Variants in SMURF2 observed in about 807,000 individuals in gnomAD.
SMURF2 encodes the protein E3 ubiquitin-protein ligase SMURF2.
SMURF2 carries 48 observed loss-of-function variants against 109.6 expected under a neutral mutation model. The observed-to-expected ratio is 0.44, with a 90% CI of 0.35 to 0.56. The LOEUF (loss-of-function observed/expected upper bound fraction) is 0.56. SMURF2 is among the 20% of genes least tolerant of loss of function. The pLI is 0.01. For synonymous variants in SMURF2, 288 were observed against 317.1 expected (o/e 0.91, Z 0.97); for missense variants, 575 against 909.0 (o/e 0.63, Z 4.72).
In SMURF2 at chr17:64,555,143, G is replaced by A. The variant is rs1266594672; in HGVS notation, c.1611-150C>T. 16 of 701,632 alleles carry A rather than the reference G, an allele frequency of 2.3e-5. No individual in the cohort carries two copies. The African/African-American group carries it at 2.7e-4, about 12-fold the overall frequency. 43.5% of individuals were successfully genotyped at this position (701,632 alleles called of 1,614,324 possible). A position where few individuals can be genotyped will look rare whatever the true frequency, so the allele number is the denominator to read the frequency against. On this transcript the variant is annotated intron_variant, in intron 14 of 18. Coordinates refer to ENST00000262435, the MANE Select transcript of SMURF2 (RefSeq NM_022739.4). ...CTTCCATACCACCTAGTTCTTTCTGGACAGAAAAGTCAAAGAGCTTTAACC... is the reference window on the plus strand; with the variant it reads ...CTTCCATACCACCTAGTTCTTTCTGAACAGAAAAGTCAAAGAGCTTTAACC...
At chr17:64,597,670 G>A (rs1402859605) in intron 3 of SMURF2, among the ~76,000 whole-genome samples, 13 of 151,866 alleles carry the variant, frequency 8.6e-5, no homozygotes, top group Non-Finnish European at 1.5e-4. Context: ...CTACTCGGGA[G>A]GCTGAGACAG....
intron 6 of SMURF2, among the ~76,000 whole-genome samples, chr17:64,584,991 A>C (rs1969633325): frequency 6.6e-6 from 1 of 152,224 alleles, no homozygotes; most frequent in South Asian, 2.1e-4. Flanking sequence ...TAGAAGCTAA[A>C]GTGACCTACG....
chr17:64,646,590 C>T (rs996103836), intron 1 of SMURF2, among the ~76,000 whole-genome samples: 93 of 151,754 alleles, frequency 6.1e-4, no homozygotes, highest in African/African-American at 2.2e-3. Flanking sequence ...ACCATGTTGC[C>T]CAGGCTGGTC....
At chr17:64,552,186 G>T (rs1016759788) in intron 15 of SMURF2, among the ~76,000 whole-genome samples, 22 of 152,266 alleles carry the variant, frequency 1.4e-4, no homozygotes, top group Admixed American at 5.2e-4. Context: ...AAAATGAGAA[G>T]AATAAATAGT....
At position 64,547,849 on chromosome 17, in the gene SMURF2, C is replaced by A; in HGVS notation, c.1870-48G>T. On this transcript the variant is annotated intron_variant, in intron 16 of 18. Transcript: ENST00000262435. The surrounding 1 kb of genome is among the most constrained non-coding windows in gnomAD (Gnocchi z 4.2). ...TGAACCTGTGGAAACCACAGCCAGA[C>A]CAAAAATTCCTCAAAAGAGAACTTT... is the stretch of plus-strand genomic sequence containing the variant. 6.4e-7 allele frequency: 1 copy of A among 1,554,844 alleles called. No individual in the cohort carries two copies. The highest frequency in any genetic ancestry group is 8.9e-7 in the Non-Finnish European group (1 of 1,128,328).
chr17:64,567,274 C>T (rs1273712855), intron 10 of SMURF2, among the ~76,000 whole-genome samples: 1 of 152,170 alleles, frequency 6.6e-6, no homozygotes, highest in East Asian at 1.9e-4. Context: ...ATGTATAAAA[C>T]TTCCAGATAA....
chr17:64,595,848 GA>G (rs1184068208), intron 3 of SMURF2, among the ~76,000 whole-genome samples: 2 of 151,954 alleles, frequency 1.3e-5, no homozygotes, highest in African/African-American at 2.4e-5. Flanking sequence ...TTTTTTAAAA[GA>G]AAATAACAGT....
chr17:64,661,892 CGG>C lies in SMURF2; in HGVS notation c.-14_-13del. ...CCGGGGTTAGACATGTCCCCGGCGG[CGG>C]GGGCGGCGGGGGCGGCGGGCGGCAC... is the stretch of plus-strand genomic sequence containing the variant. On this transcript the variant is annotated 5_prime_UTR_variant, in exon 1 of 19. Transcript: ENST00000262435. The C allele has an allele frequency of 1.8e-6, 2 of 1,120,634 alleles. No individual in the cohort carries two copies. Among genetic ancestry groups the C allele is most frequent in the Non-Finnish European group, 2.2e-6 (2 of 927,630 alleles). 69.4% of individuals were successfully genotyped at this position (1,120,634 alleles called of 1,614,324 possible). A position where few individuals can be genotyped will look rare whatever the true frequency, so the allele number is the denominator to read the frequency against.
At chr17:64,546,465 T>A (rs984061436) in intron 17 of SMURF2, 127 bp from the exon 18 acceptor site, 1 of 724,114 alleles carries the variant, frequency 1.4e-6, no homozygotes, top group Non-Finnish European at 2.2e-6. Flanking sequence ...AATCCACACA[T>A]ACTACCAAAG....
chr17:64,608,281 T>C (rs1033686394), intron 1 of SMURF2, among the ~76,000 whole-genome samples: 35 of 151,974 alleles, frequency 2.3e-4, no homozygotes, highest in African/African-American at 8.0e-4. Context: ...ATATAACTAA[T>C]CACTCTAAGG....
chr17:64,632,761 T>A (rs1970367880), intron 1 of SMURF2, among the ~76,000 whole-genome samples: 1 of 152,060 alleles, frequency 6.6e-6, no homozygotes, highest in East Asian at 1.9e-4. Flanking sequence ...ATAAAACACA[T>A]CTGGTTTCAA....
chr17:64,595,664 G>A (rs1969806088), intron 3 of SMURF2, among the ~76,000 whole-genome samples: 2 of 152,176 alleles, frequency 1.3e-5, no homozygotes, highest in African/African-American at 4.8e-5. Context: ...TAAAGGCAAG[G>A]GTTTTGTAAA....
At chr17:64,654,237 C>T (rs1049118062) in intron 1 of SMURF2, among the ~76,000 whole-genome samples, 4 of 152,090 alleles carry the variant, frequency 2.6e-5, no homozygotes, top group African/African-American at 9.7e-5. Context: ...ATGTCTGCTA[C>T]CAATTTTTGT....
At chr17:64,590,979 G>T in intron 5 of SMURF2, 105 bp downstream of exon 5, 1 of 691,720 alleles carries the variant, frequency 1.4e-6, no homozygotes, top group Non-Finnish European at 2.3e-6. Flanking sequence ...TTTAATTCAG[G>T]CCAACACAAT....
intron 11 of SMURF2, 83 bp from the exon 12 acceptor site, chr17:64,561,686 A>G (rs1271189271): frequency 9.5e-7 from 1 of 1,057,662 alleles, no homozygotes; most frequent in African/African-American, 1.6e-5. Flanking sequence ...ATCCATCCAA[A>G]AAACTCAAGT....
chr17:64,565,488 T>A (rs563798538), intron 10 of SMURF2, among the ~76,000 whole-genome samples: 1 of 152,174 alleles, frequency 6.6e-6, no homozygotes, highest in African/African-American at 2.4e-5. Flanking sequence ...CCCTTGCCCA[T>A]AAGTCATCTT....
intron 1 of SMURF2, among the ~76,000 whole-genome samples, chr17:64,617,252 GT>G: frequency 6.6e-6 from 1 of 152,074 alleles, no homozygotes; most frequent in Middle Eastern, 3.4e-3. Context: ...CTGCTTTTAA[GT>G]AAATATCTTG....
chr17:64,655,989 ATAAC>A (rs1011005534), intron 1 of SMURF2, among the ~76,000 whole-genome samples: 18 of 152,210 alleles, frequency 1.2e-4, no homozygotes, highest in African/African-American at 3.9e-4. Flanking sequence ...ATCTGACTCT[ATAAC>A]TAATATAACT....
chr17:64,554,960 G>A lies in SMURF2; in HGVS notation c.1644C>T (p.Thr548=), dbSNP rs1969098428. ...CATATGCATTATGTTCAACACAGAA[G>A]GTATGGTCCAAAACACCTGTAATAT... is the stretch of plus-strand genomic sequence containing the variant. The part of the protein sequence containing the change: ...ENDITGVLDH[T]FCVEHNAYGE... Residue 548 remains threonine (T), a synonymous_variant, in exon 15 of 19, where the codon ACC becomes ACT. Transcript: ENST00000262435. 6.2e-7 allele frequency: 1 copy of A among 1,613,450 alleles called. No homozygotes were observed.
Sources: allele counts gnomAD v4.1 joint callset (sites outside exome capture counted in the v4.1 genomes callset), GRCh38; gene constraint gnomAD v4.1.1; non-coding constraint Gnocchi (gnomAD v3.1); transcripts MANE v1.5; gene names NCBI Gene and HGNC (gene_info 2026-07-23, HGNC 2026-07-21).